The following CYP2S1 variants were observed in gnomAD, a reference collection of about 807,000 sequenced individuals.
CYP2S1 encodes the protein cytochrome P450 family 2 subfamily S member 1, also known as cytochrome P450 2S1.
In CYP2S1, 32 loss-of-function variants were observed where a neutral mutation model predicts 43.5. That is an observed-to-expected ratio of 0.74 (90% confidence interval 0.56 to 0.99). CYP2S1 has a LOEUF of 0.99. Among genes scored for constraint, CYP2S1 ranks in the 50% least tolerant of loss-of-function variants. CYP2S1 has a pLI of 0.00. For synonymous variants in CYP2S1, 283 were observed against 302.9 expected (o/e 0.93, Z 0.68); for missense variants, 575 against 673.9 (o/e 0.85, Z 1.62).
At position 41,198,774 on chromosome 19, in the gene CYP2S1, C is replaced by G; in HGVS notation, c.720C>G (p.His240Gln). 6.2e-7 allele frequency: 1 copy of G among 1,614,244 alleles called. No homozygotes were observed. ...LPGPHKQLLH[H>Q]VSTLAAFTVR... ...GCCCCCACAAGCAGCTCCTCCACCA[C>G]GTCAGCACCTTGGCTGCCTTCACAG... The change falls in exon 5 of 9, where the codon CAC becomes CAG. Residue 240 changes from histidine (H) to glutamine (Q), a missense_variant. By Grantham distance (24) the His-to-Gln change is conservative. Around this residue, in one of 2 missense-constraint regions of CYP2S1, gnomAD observed 353 missense variants for 367.6 expected, o/e 0.96. Coordinates refer to ENST00000310054, the MANE Select transcript of CYP2S1 (RefSeq NM_030622.8). This position sits in a 1 kb window ranked among gnomAD's most constrained non-coding sequence, Gnocchi z 4.9.
intron 7 of CYP2S1, 72 bp from the exon 8 acceptor site, chr19:41,205,886 G>A: frequency 6.4e-7 from 1 of 1,561,224 alleles, no homozygotes. Context: ...CCCGAGACTT[G>A]TACTCCACAC....
Position 41,193,384 on chromosome 19 carries a change from ACTGCTGGGAAACCTC to A in CYP2S1, c.125_139del (p.Leu42_Leu46del). On this transcript the variant is annotated inframe_deletion, in exon 1 of 9. Coordinates refer to ENST00000310054, the MANE Select transcript of CYP2S1 (RefSeq NM_030622.8). ...TGCCCCCCGGGCCCACGCCGCTACC[ACTGCTGGGAAACCTC>A]CTGCAGCTACGGCCCGGGGCGCTGT... is the stretch of plus-strand genomic sequence containing the variant. 1 of 1,529,490 alleles carries A rather than the reference ACTGCTGGGAAACCTC, an allele frequency of 6.5e-7. No homozygotes were observed. The highest frequency in any genetic ancestry group is 8.8e-7 in the Non-Finnish European group (1 of 1,136,770). 94.7% of individuals were successfully genotyped at this position (1,529,490 alleles called of 1,614,324 possible).
rs998617574 is a variant in CYP2S1, at chr19:41,203,480, TG to T, written c.1012del (p.Ala338LeufsTer7). On this transcript the variant is annotated frameshift_variant, in exon 7 of 9. Transcript: ENST00000310054. LOFTEE classifies it high-confidence loss of function. ...GTACGTGAGGAGCTGAATCGGGAGCTGGGGGCTGGCCAGGCACCAAGCCTAG... is the reference window on the plus strand; with the variant it reads ...GTACGTGAGGAGCTGAATCGGGAGCTGGGGCTGGCCAGGCACCAAGCCTAG... ...KWVREELNRELGAGQAPSLGD... is the reference protein window; with the variant it reads ...KWVREELNREXGAGQAPSLGD... 6.2e-7 allele frequency: 1 copy of T among 1,608,178 alleles called. No homozygotes were observed.
At chr19:41,203,789 CT>C in intron 7 of CYP2S1, 152 bp downstream of exon 7, 1 of 815,372 alleles carries the variant, frequency 1.2e-6, no homozygotes, top group Non-Finnish European at 1.8e-6. Flanking sequence ...CTGTCTCTGT[CT>C]TCCTCCTCCA....
At chr19:41,193,563 C>G in intron 1 of CYP2S1, 122 bp downstream of exon 1, 1 of 1,355,004 alleles carries the variant, frequency 7.4e-7, no homozygotes, top group African/African-American at 1.5e-5. Flanking sequence ...GGTCCCAAGG[C>G]AAAGGGGCTG....
At position 41,198,521 on chromosome 19, in the gene CYP2S1, C is replaced by G; in HGVS notation, c.553C>G (p.Leu185Val). 6.2e-7 allele frequency: 1 copy of G among 1,614,182 alleles called. No individual in the cohort carries two copies. Among genetic ancestry groups the G allele is most frequent in the Non-Finnish European group, 8.5e-7 (1 of 1,180,020 alleles). The change falls in exon 4 of 9, where the codon CTC becomes GTC. Residue 185 changes from leucine (L) to valine (V), a missense_variant. By Grantham distance (32) the Leu-to-Val change is conservative. Transcript: ENST00000310054. This position sits in a 1 kb window ranked among gnomAD's most constrained non-coding sequence, Gnocchi z 4.9. ...AQATSNVVCS[L>V]LFGLRFSYED... ...GGCCACCTCCAACGTAGTCTGCTCC[C>G]TCCTCTTTGGCCTCCGCTTCTCCTA...
chr19:41,194,245 T>C (rs960359217), intron 1 of CYP2S1, among the ~76,000 whole-genome samples: 2 of 151,644 alleles, frequency 1.3e-5, no homozygotes, highest in Non-Finnish European at 2.9e-5. Context: ...CCTAAGGAAT[T>C]AAGGGAGACC....
At position 41,205,982 on chromosome 19, in the gene CYP2S1, G is replaced by T. The variant is rs148468532; in HGVS notation, c.1189G>T (p.Gly397Cys). 340 of 1,614,014 alleles carry T rather than the reference G, an allele frequency of 2.1e-4. No individual in the cohort carries two copies. In the African/African-American group the frequency reaches 3.8e-3, roughly 18 times the overall value. Residue 397 changes from glycine (G) to cysteine (C), a missense_variant, in exon 8 of 9, where the codon GGC (glycine) becomes TGC (cysteine). Physicochemically the swap from Gly to Cys is radical, Grantham distance 159. Transcript: ENST00000310054. ...GGGCACGGAGGTCTTCCCCCTCCTTGGCTCCATCCTGCATGACCCCAACAT... is the reference window on the plus strand; with the variant it reads ...GGGCACGGAGGTCTTCCCCCTCCTTTGCTCCATCCTGCATGACCCCAACAT... ...PQGTEVFPLL[G>C]SILHDPNIFK...
chr19:41,205,563 C>T (rs2033564907), intron 7 of CYP2S1, among the ~76,000 whole-genome samples: 1 of 151,442 alleles, frequency 6.6e-6, no homozygotes, highest in African/African-American at 2.4e-5. Flanking sequence ...TCTTTGTCTC[C>T]CAGGCTGGGG....
intron 7 of CYP2S1, among the ~76,000 whole-genome samples, chr19:41,204,689 C>T (rs2033540711): frequency 6.6e-6 from 1 of 150,684 alleles, no homozygotes; most frequent in South Asian, 2.1e-4. Flanking sequence ...CCTCCGCCTC[C>T]CAGGTTCAAG....
At chr19:41,196,281 T>C (rs1436626347) in intron 2 of CYP2S1, among the ~76,000 whole-genome samples, 1 of 151,944 alleles carries the variant, frequency 6.6e-6, no homozygotes, top group African/African-American at 2.4e-5. Flanking sequence ...ACCAGCGCAG[T>C]CGTAGTGGGT....
chr19:41,197,815 T>C lies in CYP2S1; in HGVS notation c.380T>C (p.Leu127Pro). The change falls in exon 3 of 9, where the codon CTG (leucine) becomes CCG (proline). Residue 127 changes from leucine (L) to proline (P), a missense_variant. Physicochemically the swap from Leu to Pro is moderately conservative, Grantham distance 98. Coordinates refer to ENST00000310054, the MANE Select transcript of CYP2S1 (RefSeq NM_030622.8). ...FFSNGERWRQ[L>P]RKFTMLALRD... The stretch of plus-strand genomic sequence containing the variant: ...TCCAACGGGGAGCGGTGGAGGCAGC[T>C]GAGGAAGTTTACCATGCTTGCTCTG... 2 of 1,614,026 alleles carry C rather than the reference T, an allele frequency of 1.2e-6. No individual in the cohort carries two copies. The highest frequency in any genetic ancestry group is 1.7e-6 in the Non-Finnish European group (2 of 1,179,998).
At chr19:41,204,937 T>G (rs2033543703) in intron 7 of CYP2S1, among the ~76,000 whole-genome samples, 3 of 151,904 alleles carry the variant, frequency 2.0e-5, no homozygotes, top group Admixed American at 2.0e-4. Context: ...GGCAAATCAC[T>G]TCCCCCCCTG....
chr19:41,198,336 T>C lies in CYP2S1; in HGVS notation c.494-126T>C, dbSNP rs2033441272. ...CTGTATCCTTCTTTGCCTGTTTAGC[T>C]CTCTCCCTGCGCTGTCCATCCATCT... On this transcript the variant is annotated intron_variant, in intron 3 of 8. Coordinates refer to ENST00000310054, the MANE Select transcript of CYP2S1 (RefSeq NM_030622.8). This position sits in a 1 kb window ranked among gnomAD's most constrained non-coding sequence, Gnocchi z 4.9. The C allele has an allele frequency of 1.6e-6, 2 of 1,252,168 alleles. No individual in the cohort carries two copies. The highest frequency in any genetic ancestry group is 2.2e-6 in the Non-Finnish European group (2 of 897,144). 77.6% of individuals were successfully genotyped at this position (1,252,168 alleles called of 1,614,324 possible).
intron 6 of CYP2S1, 67 bp downstream of exon 6, chr19:41,201,439 C>T (rs567605312): frequency 1.3e-6 from 2 of 1,565,164 alleles, no homozygotes; most frequent in East Asian, 2.3e-5. Context: ...AGCAAGGTGG[C>T]TCACGCCTAT....
Position 41,198,857 on chromosome 19 carries a change from T to C in CYP2S1, c.803T>C (p.Leu268Pro). ...GATGCTTCGGGCCCCGCACGTGACCTTGTCGATGCCTTCCTGCTGAAGATG... is the reference window on the plus strand; with the variant it reads ...GATGCTTCGGGCCCCGCACGTGACCCTGTCGATGCCTTCCTGCTGAAGATG... The part of the protein sequence containing the change: ...NLDASGPARD[L>P]VDAFLLKMAQ... The change falls in exon 5 of 9, where the codon CTT becomes CCT. Residue 268 changes from leucine (L) to proline (P), a missense_variant. Leu to Pro is a moderately conservative substitution (Grantham distance 98). This residue lies in a region of CYP2S1 where 353 missense variants were observed against 367.6 expected (regional missense o/e 0.96). Coordinates refer to ENST00000310054, the MANE Select transcript of CYP2S1 (RefSeq NM_030622.8). The surrounding 1 kb of genome is among the most constrained non-coding windows in gnomAD (Gnocchi z 4.9). The C allele has an allele frequency of 1.2e-6, 2 of 1,613,628 alleles. No individual in the cohort carries two copies. Among genetic ancestry groups the C allele is most frequent in the Non-Finnish European group, 1.7e-6 (2 of 1,179,650 alleles).
At chr19:41,201,887 C>T (rs921686837) in intron 6 of CYP2S1, among the ~76,000 whole-genome samples, 3 of 151,994 alleles carry the variant, frequency 2.0e-5, no homozygotes, top group African/African-American at 4.8e-5. Flanking sequence ...TGGGCCTCAT[C>T]GCCTTAGTGA....
At position 41,193,436 on chromosome 19, in the gene CYP2S1, A is replaced by G; in HGVS notation, c.172A>G (p.Met58Val). Reference sequence around the variant, plus strand: ...GCCCGGGGCGCTGTATTCAGGGCTCATGCGGGTAAGGGGCTCTGGGGACGT... The same window carrying G: ...GCCCGGGGCGCTGTATTCAGGGCTCGTGCGGGTAAGGGGCTCTGGGGACGT... ...LRPGALYSGLMRLSKKYGPVF... is the reference protein window; with the variant it reads ...LRPGALYSGLVRLSKKYGPVF... Residue 58 changes from methionine to valine, a missense_variant, in exon 1 of 9, where the codon ATG becomes GTG. Physicochemically the swap from Met to Val is conservative, Grantham distance 21 (BLOSUM62 1). Coordinates refer to ENST00000310054, the MANE Select transcript of CYP2S1 (RefSeq NM_030622.8). The G allele has an allele frequency of 6.8e-7, 1 of 1,461,280 alleles. No homozygotes were observed. Among genetic ancestry groups the G allele is most frequent in the East Asian group, 2.7e-5 (1 of 37,032 alleles). 90.5% of individuals were successfully genotyped at this position (1,461,280 alleles called of 1,614,324 possible). A position where few individuals can be genotyped will look rare whatever the true frequency, so the allele number is the denominator to read the frequency against.
chr19:41,201,120 A>C, intron 5 of CYP2S1, 111 bp from the exon 6 acceptor site: 1,728 of 1,413,744 alleles, frequency 1.2e-3, no homozygotes, highest in Non-Finnish European at 1.5e-3. Context: ...AAATTTATCT[A>C]AACCCCGTGA....
Sources: allele counts gnomAD v4.1 joint callset (sites outside exome capture counted in the v4.1 genomes callset), GRCh38; gene constraint gnomAD v4.1.1; regional missense constraint gnomAD v4.1.1; non-coding constraint Gnocchi (gnomAD v3.1); transcripts MANE v1.5; gene names NCBI Gene and HGNC (gene_info 2026-07-23, HGNC 2026-07-21).